STAU1: variants seen among roughly 807,000 people sequenced by gnomAD.
The protein encoded by STAU1 is staufen double-stranded RNA binding protein 1, also known as double-stranded RNA-binding protein Staufen homolog 1.
Under a neutral mutation model 62.9 loss-of-function variants are expected in STAU1, and 13 were observed. That is an observed-to-expected ratio of 0.21 (90% CI 0.13 to 0.33). STAU1 has a LOEUF of 0.33. Among genes scored for constraint, STAU1 ranks in the 10% least tolerant of loss-of-function variants. STAU1 has a pLI of 1.00. For missense variants in STAU1, 571 were observed against 712.1 expected (o/e 0.80, Z 2.25); for synonymous variants, 269 against 265.1 (o/e 1.01, Z -0.14).
intron 6 of STAU1, among the ~76,000 whole-genome samples, chr20:49,135,399 T>C (rs1417757899): frequency 6.6e-6 from 1 of 152,256 alleles, no homozygotes; most frequent in African/African-American, 2.4e-5. Flanking sequence ...AATGAAGTTA[T>C]TAAACAGGAA....
At chr20:49,133,657 T>C (rs1410066878) in intron 6 of STAU1, among the ~76,000 whole-genome samples, 2 of 152,120 alleles carry the variant, frequency 1.3e-5, no homozygotes, top group African/African-American at 2.4e-5. Context: ...AGGGAGGGAA[T>C]GTAGGGCCAG....
chr20:49,166,546 G>T (rs918362723), intron 2 of STAU1, among the ~76,000 whole-genome samples: 13 of 152,112 alleles, frequency 8.5e-5, no homozygotes, highest in Non-Finnish European at 4.4e-5. Flanking sequence ...AATCAGTAGG[G>T]TATAATATTT....
At chr20:49,199,299 C>T in the STAU1 span, among the ~76,000 whole-genome samples, 12 of 149,364 alleles carry the variant, frequency 8.0e-5, no homozygotes, top group South Asian at 2.1e-4. Context: ...GGCGCGATCT[C>T]GGCTCACTGC....
Position 49,188,315 on chromosome 20 carries a change from C to T in STAU1, c.-359G>A, listed in dbSNP as rs1292381972. 6.6e-6 allele frequency: 1 copy of T among 151,932 alleles called. No homozygotes were observed. The highest frequency in any genetic ancestry group is 1.5e-5 in the Non-Finnish European group (1 of 67,962). The allele number at this position is 151,932 out of a possible 1,614,324, so 9.4% of individuals were successfully genotyped here. A position where few individuals can be genotyped will look rare whatever the true frequency, so the allele number is the denominator to read the frequency against. Reference sequence around the variant, plus strand: ...CGGGAGCCGAGAGAGACGCGGCAGCCGCCGGCGCAAACGCTGAAGAGCCGC... The same window carrying T: ...CGGGAGCCGAGAGAGACGCGGCAGCTGCCGGCGCAAACGCTGAAGAGCCGC... On this transcript the variant is annotated 5_prime_UTR_variant, in exon 1 of 14. Transcript: ENST00000371856.
chr20:49,118,146 A>G, intron 10 of STAU1, 50 bp from the exon 11 acceptor site: 1 of 1,569,526 alleles, frequency 6.4e-7, no homozygotes, highest in Non-Finnish European at 8.7e-7. Flanking sequence ...CAGCCTGGAA[A>G]AACGCAATGA....
upstream of STAU1, among the ~76,000 whole-genome samples, chr20:49,189,619 CAAA>C (rs71186430): frequency 3.6e-5 from 2 of 55,348 alleles, no homozygotes; most frequent in Admixed American, 2.1e-4. Flanking sequence ...GACTCTGTCT[CAAA>C]AAAAAAAAAA....
intron 1 of STAU1, among the ~76,000 whole-genome samples, chr20:49,180,909 C>G (rs868488113): frequency 6.6e-6 from 1 of 152,170 alleles, no homozygotes; most frequent in South Asian, 2.1e-4. Flanking sequence ...CCACCAGTGA[C>G]AAGCAGAATC....
At chr20:49,214,934 G>A in the STAU1 span, among the ~76,000 whole-genome samples, 2 of 152,200 alleles carry the variant, frequency 1.3e-5, no homozygotes, top group African/African-American at 4.8e-5. Flanking sequence ...AGATTCAGTT[G>A]CATGTGACAA....
the STAU1 span, among the ~76,000 whole-genome samples, chr20:49,194,255 C>A: frequency 6.6e-6 from 1 of 151,752 alleles, no homozygotes; most frequent in Non-Finnish European, 1.5e-5. Flanking sequence ...CATGGAGAAA[C>A]CCCGTCTCTA....
At chr20:49,207,640 C>T in the STAU1 span, among the ~76,000 whole-genome samples, 22 of 151,788 alleles carry the variant, frequency 1.4e-4, no homozygotes, top group Non-Finnish European at 2.6e-4. Context: ...CTCACCCTCC[C>T]GAGTAGCTGG....
chr20:49,200,573 C>A, the STAU1 span, among the ~76,000 whole-genome samples: 2 of 151,534 alleles, frequency 1.3e-5, no homozygotes, highest in African/African-American at 4.9e-5. Context: ...TGCACTCCAG[C>A]CTGGGCGACA....
intron 5 of STAU1, among the ~76,000 whole-genome samples, chr20:49,143,452 G>A (rs1479897517): frequency 2.0e-5 from 3 of 152,132 alleles, no homozygotes; most frequent in Non-Finnish European, 4.4e-5. Context: ...AACTAGCCAG[G>A]TGTGGTGGCA....
intron 2 of STAU1, among the ~76,000 whole-genome samples, chr20:49,171,115 G>T (rs2093591372): frequency 6.6e-6 from 1 of 152,194 alleles, no homozygotes; most frequent in African/African-American, 2.4e-5. Flanking sequence ...ACATCTTTCA[G>T]CAATCACATG....
At chr20:49,168,349 G>C (rs2093553873) in intron 2 of STAU1, among the ~76,000 whole-genome samples, 1 of 152,096 alleles carries the variant, frequency 6.6e-6, no homozygotes, top group Admixed American at 6.5e-5. Context: ...CCAAAGTCCT[G>C]GGATTACAAG....
At chr20:49,197,311 A>G in the STAU1 span, among the ~76,000 whole-genome samples, 1 of 151,258 alleles carries the variant, frequency 6.6e-6, no homozygotes, top group East Asian at 1.9e-4. Context: ...TGAAAAAGCA[A>G]GTCGCAGATT....
intron 1 of STAU1, among the ~76,000 whole-genome samples, chr20:49,184,998 C>T (rs348284): frequency 0.73 from 111,554 of 152,078 alleles, 41,782 homozygotes; most frequent in African/African-American, 0.88. Flanking sequence ...AAGAGAGATC[C>T]TTTAGACACA....
chr20:49,209,438 T>TAAA, the STAU1 span, among the ~76,000 whole-genome samples: 431 of 119,100 alleles, frequency 3.6e-3, 6 homozygotes, highest in African/African-American at 0.011. Flanking sequence ...TCTGTACAGT[T>TAAA]AAAAAAAAAA....
chr20:49,194,839 A>G, the STAU1 span, among the ~76,000 whole-genome samples: 2 of 151,986 alleles, frequency 1.3e-5, no homozygotes, highest in Non-Finnish European at 2.9e-5. Flanking sequence ...TCAGCCTCCC[A>G]AAGTGTTGGA....
At chr20:49,144,337 AT>A (rs2093076349) in intron 5 of STAU1, among the ~76,000 whole-genome samples, 1 of 151,954 alleles carries the variant, frequency 6.6e-6, no homozygotes, top group Non-Finnish European at 1.5e-5. Context: ...TTGTCGAAAA[AT>A]GTTGCATGAT....
Sources: gnomAD v4.1 joint callset for allele counts (sites outside exome capture counted in the v4.1 genomes callset) on GRCh38, gnomAD v4.1.1 for gene constraint, MANE v1.5 for transcripts, NCBI Gene and HGNC (gene_info 2026-07-23, HGNC 2026-07-21) for gene names.